DMD: variants seen among roughly 807,000 people sequenced by gnomAD.
The protein encoded by DMD is mutant dystrophin.
DMD carries 63 observed loss-of-function variants against 330.1 expected under a neutral mutation model. The ratio of observed to expected loss-of-function variants is 0.19; its 90% CI spans 0.16 to 0.24. DMD has a LOEUF of 0.24. Ranked by LOEUF, DMD falls within the 10% of genes least tolerant of loss-of-function variation. DMD has a pLI of 1.00. For missense variants in DMD, 3,344 were observed against 2,684.1 expected, an observed-to-expected ratio of 1.25 and a Z score of -5.43; for synonymous variants, 1,223 against 959.8, an observed-to-expected ratio of 1.27 and a Z score of -5.07.
intron 13 of DMD, among the ~76,000 whole-genome samples, chrX:32,581,275 G>GT (rs2053628111): frequency 8.9e-6 from 1 of 112,462 alleles, no homozygotes; most frequent in South Asian, 3.7e-4. Flanking sequence ...TAATGTAGGT[G>GT]TAACAGAATA....
intron 44 of DMD, among the ~76,000 whole-genome samples, chrX:32,214,954 T>C (rs765383568): frequency 9.0e-5 from 10 of 111,386 alleles, no homozygotes; most frequent in African/African-American, 2.9e-4. Context: ...GATGATAAAA[T>C]TAGTAGAGAA....
chrX:33,178,501 T>G (rs747991808), intron 1 of DMD, among the ~76,000 whole-genome samples: 88 of 112,403 alleles, frequency 7.8e-4, no homozygotes, highest in Non-Finnish European at 1.4e-3. Flanking sequence ...TCCTACCTGA[T>G]GCACTCATTT....
chrX:32,717,206 C>T (rs1329184586), intron 7 of DMD, among the ~76,000 whole-genome samples: 1 of 111,026 alleles, frequency 9.0e-6, no homozygotes, highest in East Asian at 2.9e-4. Context: ...ATTTCAGAAC[C>T]CTTTGCAGCA....
intron 51 of DMD, among the ~76,000 whole-genome samples, chrX:31,741,594 G>A (rs942034505): frequency 1.8e-5 from 2 of 110,199 alleles, no homozygotes; most frequent in Admixed American, 2.0e-4. Context: ...CTCAACAGAG[G>A]GCTCAAAATG....
At chrX:32,928,202 T>A (rs1180966556) in intron 2 of DMD, among the ~76,000 whole-genome samples, 1 of 111,183 alleles carries the variant, frequency 9.0e-6, no homozygotes, top group Non-Finnish European at 1.9e-5. Context: ...TGAAAGCTAC[T>A]TTGAGGTAAT....
chrX:32,739,136 C>T (rs1290342208), intron 7 of DMD, among the ~76,000 whole-genome samples: 4 of 111,715 alleles, frequency 3.6e-5, no homozygotes, highest in African/African-American at 1.3e-4. Context: ...TTCTCACTTT[C>T]ATTTTCTAGA....
At chrX:32,338,973 GTACT>G (rs1180823947) in intron 41 of DMD, among the ~76,000 whole-genome samples, 1 of 111,867 alleles carries the variant, frequency 8.9e-6, no homozygotes, top group Non-Finnish European at 1.9e-5. Context: ...CAAATGCTGC[GTACT>G]TAATTCTCTT....
At chrX:31,464,342 C>G (rs1020454101) in intron 59 of DMD, among the ~76,000 whole-genome samples, 1 of 111,791 alleles carries the variant, frequency 8.9e-6, no homozygotes, top group Non-Finnish European at 1.9e-5. Context: ...CAAAATAACA[C>G]AAAGAAGTCC....
chrX:32,411,948 G>A (rs2098143574), intron 29 of DMD, 35 bp from the exon 30 acceptor site: 5 of 1,199,340 alleles, frequency 4.2e-6, no homozygotes, highest in Non-Finnish European at 5.6e-6. Flanking sequence ...TCAGTTAAAT[G>A]TTTACTCTTG....
chrX:31,126,799 G>A, intron 77 of DMD, 126 bp from the exon 78 acceptor site: 1 of 257,549 alleles, frequency 3.9e-6, no homozygotes, highest in Non-Finnish European at 6.5e-6. Flanking sequence ...TTTATTCTCT[G>A]CTGGAAAAAA....
At chrX:32,008,507 T>C in intron 44 of DMD, among the ~76,000 whole-genome samples, 1 of 112,088 alleles carries the variant, frequency 8.9e-6, no homozygotes, top group Non-Finnish European at 1.9e-5. Context: ...TATGTGTGGA[T>C]GTAAACAACG....
At chrX:32,631,612 G>A (rs749281916) in intron 11 of DMD, among the ~76,000 whole-genome samples, 21 of 111,395 alleles carry the variant, frequency 1.9e-4, no homozygotes, top group Admixed American at 2.9e-4. Context: ...CTGCTTCTGC[G>A]GAGGCCTCAG....
rs199811282 is a variant in DMD at position 32,264,196 on chromosome X, G to A, written c.6290+23333C>T. 2.7e-5 allele frequency among the ~76,000 whole-genome samples: 3 copies of A among 110,690 alleles called. No individual in the cohort carries two copies. The East Asian group carries it at 8.6e-4, about 32-fold the overall frequency. On this transcript the variant is annotated intron_variant, in intron 43 of 78. Transcript: ENST00000357033. ...TCATGAGAGCTGATGGTTTCATAAG[G>A]GGCTTTTCCTCCTTTGCTCGGCACT...
rs751030250 is a variant in DMD, at chrX:31,177,966, C to A, written c.10228G>T (p.Val3410Phe). ...VLEGDNMETP[V>F]TLINFWPVDS... ...ACTGGCCAGAAGTTGATCAGAGTAA[C>A]GGGACTGCAAAACAAAAAATGAGGT... Residue 3410 changes from valine to phenylalanine, a missense_variant, in exon 71 of 79, where the codon GTT (valine) becomes TTT (phenylalanine). Coordinates refer to ENST00000357033, the MANE Select transcript of DMD (RefSeq NM_004006.3). The A allele has an allele frequency of 6.6e-6, 8 of 1,206,624 alleles. No homozygotes were observed. In the Admixed American group the frequency reaches 1.7e-4, roughly 26 times the overall value.
intron 7 of DMD, among the ~76,000 whole-genome samples, chrX:32,712,497 G>C (rs928097063): frequency 9.0e-6 from 1 of 111,414 alleles, no homozygotes. Flanking sequence ...TACAAGTTGT[G>C]TTTCCTCCAA....
chrX:31,838,186 A>G (rs972364124), intron 48 of DMD, among the ~76,000 whole-genome samples: 2 of 111,898 alleles, frequency 1.8e-5, no homozygotes, highest in African/African-American at 6.5e-5. Context: ...ATAGGTCCCC[A>G]GCCACTATAA....
At chrX:31,745,905 A>T (rs1428856135) in intron 51 of DMD, among the ~76,000 whole-genome samples, 1 of 105,633 alleles carries the variant, frequency 9.5e-6, no homozygotes, top group Non-Finnish European at 1.9e-5. Flanking sequence ...AGAAGTATTA[A>T]CATATGTTAT....
At chrX:31,293,212 T>TAGTCTGGTTTA (rs2053876740) in intron 62 of DMD, among the ~76,000 whole-genome samples, 2 of 90,135 alleles carry the variant, frequency 2.2e-5, no homozygotes, top group African/African-American at 4.9e-5. Context: ...TTAGTGTGTG[T>TAGTCTGGTTTA]GTGTGTGTGT....
chrX:32,081,393 C>T (rs748664849), intron 44 of DMD, among the ~76,000 whole-genome samples: 1 of 111,817 alleles, frequency 8.9e-6, no homozygotes. Flanking sequence ...TTTGGGTTGA[C>T]TGTCTCATTA....
Sources: gnomAD v4.1 joint callset for allele counts (sites outside exome capture counted in the v4.1 genomes callset) on GRCh38, gnomAD v4.1.1 for gene constraint, MANE v1.5 for transcripts, NCBI Gene and HGNC (gene_info 2026-07-23, HGNC 2026-07-21) for gene names.